Variants in ATP11B observed in about 807,000 individuals in gnomAD.
ATP11B encodes the protein phospholipid-transporting ATPase IF.
A neutral mutation model predicts 157.8 loss-of-function variants in ATP11B; 81 were observed. The ratio of observed to expected loss-of-function variants is 0.51; its 90% CI spans 0.43 to 0.62. The LOEUF (loss-of-function observed/expected upper bound fraction) is 0.62, where lower values mean the gene tolerates loss of function less well. ATP11B is among the 20% of genes least tolerant of loss of function. The pLI is 0.00. For missense variants in ATP11B, 1,165 were observed against 1,402.2 expected (o/e 0.83, Z 2.70); for synonymous variants, 451 against 469.4 (o/e 0.96, Z 0.51).
chr3:182,837,969 G>A (rs1029610110), intron 7 of ATP11B, among the ~76,000 whole-genome samples: 2 of 152,054 alleles, frequency 1.3e-5, no homozygotes, highest in Admixed American at 6.6e-5. Context: ...CTCAATAAGT[G>A]GTGGTAGACT....
At chr3:182,843,738 T>G (rs1244908968) in intron 8 of ATP11B, 1 of 152,202 alleles carries the variant, frequency 6.6e-6, no homozygotes, top group Middle Eastern at 3.2e-3. Flanking sequence ...GCATTTGACA[T>G]TCTACCTCTT....
chr3:182,843,266 C>G (rs1020926527), intron 8 of ATP11B, among the ~76,000 whole-genome samples: 2 of 152,168 alleles, frequency 1.3e-5, no homozygotes, highest in Non-Finnish European at 2.9e-5. Flanking sequence ...GAGGATGAAA[C>G]AAATCCCATG....
At chr3:182,916,195 GA>G in intron 29 of ATP11B, 2 of 985,248 alleles carry the variant, frequency 2.0e-6, no homozygotes, top group Non-Finnish European at 2.4e-6. Flanking sequence ...TTGTATTTGT[GA>G]AATGTGTTGG....
intron 28 of ATP11B, among the ~76,000 whole-genome samples, chr3:182,906,584 G>C (rs1724368288): frequency 6.6e-6 from 1 of 152,016 alleles, no homozygotes; most frequent in South Asian, 2.1e-4. Context: ...CCAGTAGCTG[G>C]AACTACAGGT....
At chr3:182,889,376 C>CCA in intron 24 of ATP11B, 34 bp from the exon 25 acceptor site, 1 of 1,414,542 alleles carries the variant, frequency 7.1e-7, no homozygotes, top group African/African-American at 1.5e-5. Flanking sequence ...ATAAATGATC[C>CCA]CTAATATGTT....
At position 182,865,216 on chromosome 3, in the gene ATP11B, C is replaced by T. The variant is rs9851296; in HGVS notation, c.1201-240C>T. Among the ~76,000 whole-genome samples the T allele has an allele frequency of 8.0e-3, 1,219 of 152,236 alleles. 16 individuals are homozygous for T. The highest frequency in any genetic ancestry group is 0.028 in the African/African-American group (1,166 of 41,540). ...CGTCAATTCTACAGATAAACATGTACGTAAAGATGCCACAAACTTCAAAAT... is the reference window on the plus strand; with the variant it reads ...CGTCAATTCTACAGATAAACATGTATGTAAAGATGCCACAAACTTCAAAAT... On this transcript the variant is annotated intron_variant, in intron 12 of 29. Coordinates refer to ENST00000323116, the MANE Select transcript of ATP11B (RefSeq NM_014616.3).
chr3:182,915,467 TATA>T (rs1215971120), intron 29 of ATP11B: 7 of 984,810 alleles, frequency 7.1e-6, no homozygotes, highest in Non-Finnish European at 7.2e-6. Flanking sequence ...GAGCTTGATT[TATA>T]ATACTATTTT....
In ATP11B at chr3:182,844,994, A is replaced by AT. The variant is rs1390644152; in HGVS notation, c.705-453dup. On this transcript the variant is annotated intron_variant, in intron 8 of 29. Transcript: ENST00000323116. ...TAGCCTAGGCAGCCTTTTTTTTTTT[A>AT]TTTTTTTTTTTATTTTTTTTTATTT... Among the ~76,000 whole-genome samples, 77 of 111,222 alleles carry AT rather than the reference A, an allele frequency of 6.9e-4. 2 individuals are homozygous for AT. The East Asian group carries it at 0.012, about 18-fold the overall frequency. 73.0% of individuals were successfully genotyped at this position (111,222 alleles called of 152,430 possible).
chr3:182,902,771 TA>T (rs1390912694), intron 28 of ATP11B, among the ~76,000 whole-genome samples: 1 of 152,030 alleles, frequency 6.6e-6, no homozygotes, highest in Non-Finnish European at 1.5e-5. Context: ...AAAATTCAGA[TA>T]AAAATTCAAC....
At chr3:182,839,700 T>A (rs987608248) in intron 7 of ATP11B, among the ~76,000 whole-genome samples, 5 of 152,086 alleles carry the variant, frequency 3.3e-5, no homozygotes, top group Non-Finnish European at 1.5e-5. Context: ...ACCCCCGGAC[T>A]CCCGGGTTCA....
chr3:182,883,261 C>T (rs1308199977), intron 21 of ATP11B, among the ~76,000 whole-genome samples: 1 of 144,934 alleles, frequency 6.9e-6, no homozygotes, highest in Non-Finnish European at 1.5e-5. Context: ...TAAAACAATC[C>T]TTTTTTTTTT....
In ATP11B at chr3:182,918,170, T is replaced by C. The variant is rs970110179; in HGVS notation, c.*66T>C. On this transcript the variant is annotated 3_prime_UTR_variant, in exon 30 of 30. Coordinates refer to ENST00000323116, the MANE Select transcript of ATP11B (RefSeq NM_014616.3). Reference sequence around the variant, plus strand: ...CCTAAAATTCAGTGTGATCACCCTGTTAATGGCCACACTAGCTCTGAAATT... The same window carrying C: ...CCTAAAATTCAGTGTGATCACCCTGCTAATGGCCACACTAGCTCTGAAATT... The C allele has an allele frequency of 2.5e-6, 4 of 1,600,774 alleles. No individual in the cohort carries two copies. The African/African-American group carries it at 4.0e-5, about 16-fold the overall frequency.
intron 1 of ATP11B, among the ~76,000 whole-genome samples, chr3:182,813,586 G>C (rs1426006466): frequency 6.6e-6 from 1 of 152,062 alleles, no homozygotes; most frequent in Non-Finnish European, 1.5e-5. Context: ...AGGAACACCA[G>C]AATAAAAAGT....
At chr3:182,917,082 G>A in intron 29 of ATP11B, 1 of 985,326 alleles carries the variant, frequency 1.0e-6, no homozygotes, top group Non-Finnish European at 1.2e-6. Flanking sequence ...TTAAAGTTGA[G>A]CTACATACAA....
At chr3:182,877,957 C>G (rs1722160990) in intron 19 of ATP11B, among the ~76,000 whole-genome samples, 1 of 152,228 alleles carries the variant, frequency 6.6e-6, no homozygotes, top group South Asian at 2.1e-4. Flanking sequence ...CTGATCTGCT[C>G]TGTCCCACTC....
At chr3:182,811,985 T>G (rs1316446554) in intron 1 of ATP11B, among the ~76,000 whole-genome samples, 1 of 152,218 alleles carries the variant, frequency 6.6e-6, no homozygotes, top group Non-Finnish European at 1.5e-5. Flanking sequence ...TTCCAGCGTG[T>G]AAAATTAATA....
intron 2 of ATP11B, among the ~76,000 whole-genome samples, chr3:182,821,832 G>C (rs995959325): frequency 6.6e-6 from 1 of 152,216 alleles, no homozygotes; most frequent in Admixed American, 6.5e-5. Context: ...ACTATTGCCT[G>C]AAAGGGCACC....
chr3:182,799,680 A>C (rs930083380), intron 1 of ATP11B, among the ~76,000 whole-genome samples: 6 of 152,368 alleles, frequency 3.9e-5, no homozygotes, highest in Admixed American at 3.9e-4. Flanking sequence ...CTCAAAAGGA[A>C]GTAAACGTGT....
At chr3:182,897,549 T>C (rs1211945172) in intron 27 of ATP11B, 143 bp downstream of exon 27, 5 of 523,188 alleles carry the variant, frequency 9.6e-6, no homozygotes, top group East Asian at 3.5e-5. Context: ...CTTACTGATA[T>C]GGAGAGGAAA....
Sources: allele counts gnomAD v4.1 joint callset (sites outside exome capture counted in the v4.1 genomes callset), GRCh38; gene constraint gnomAD v4.1.1; transcripts MANE v1.5; gene names NCBI Gene and HGNC (gene_info 2026-07-23, HGNC 2026-07-21).